Variants in PI4K2A observed in about 807,000 individuals in gnomAD.
PI4K2A encodes phosphatidylinositol 4-kinase type 2-alpha.
Under a neutral mutation model 55.0 loss-of-function variants are expected in PI4K2A, and 20 were observed. That is an observed-to-expected ratio of 0.36 (90% confidence interval 0.26 to 0.53). PI4K2A has a LOEUF of 0.53. Ranked by LOEUF, PI4K2A falls within the 20% of genes least tolerant of loss-of-function variation. The pLI is 0.91. For synonymous variants in PI4K2A, 235 were observed against 258.5 expected, an observed-to-expected ratio of 0.91 and a Z score of 0.87; for missense variants, 463 against 637.1, an observed-to-expected ratio of 0.73 and a Z score of 2.94.
exon 1 of PI4K2A, chr10:97,640,855 T>TGGC: frequency 7.5e-7 from 1 of 1,342,132 alleles, no homozygotes; most frequent in Non-Finnish European, 9.6e-7. Context: ...GCGGTCCGAG[T>TGGC]GGCGGCGGCG....
chr10:97,645,589 G>A (rs1396021841), intron 1 of PI4K2A, among the ~76,000 whole-genome samples: 1 of 130,500 alleles, frequency 7.7e-6, no homozygotes, highest in Non-Finnish European at 1.6e-5. Context: ...GCCTGGGCGA[G>A]ACAGCAAGAC....
chr10:97,640,886 G>T (rs2041463767), exon 1 of PI4K2A: 2 of 1,296,792 alleles, frequency 1.5e-6, no homozygotes. Flanking sequence ...GCCCCTCTCC[G>T]CCGGGCTCGC....
intron 8 of PI4K2A, among the ~76,000 whole-genome samples, chr10:97,667,829 C>T (rs1339776692): frequency 7.9e-5 from 12 of 152,194 alleles, no homozygotes; most frequent in Admixed American, 7.9e-4. Context: ...GTTCATAAAA[C>T]AGGATAGTAA....
intron 1 of PI4K2A, among the ~76,000 whole-genome samples, chr10:97,643,118 C>T (rs1046277888): frequency 6.6e-6 from 1 of 151,586 alleles, no homozygotes; most frequent in Admixed American, 6.6e-5. Context: ...TTCCGAGTAG[C>T]TGGGACTACA....
In PI4K2A at chr10:97,661,923, G is replaced by A. The variant is rs145881922; in HGVS notation, c.923-984G>A. 1.9e-3 allele frequency among the ~76,000 whole-genome samples: 288 copies of A among 149,236 alleles called. 1 individual carries two copies. The highest frequency in any genetic ancestry group is 6.9e-3 in the African/African-American group (279 of 40,388). On this transcript the variant is annotated intron_variant, in intron 4 of 8. Transcript: ENST00000370631. ...GCTAGAGTACAGTGGTATGATCATAGCTCATTGCAGCAGCCTCCAACACTT... is the reference window on the plus strand; with the variant it reads ...GCTAGAGTACAGTGGTATGATCATAACTCATTGCAGCAGCCTCCAACACTT...
rs778448613 is a variant in PI4K2A, at chr10:97,656,426, C to T, written c.768+10C>T. 6.2e-7 allele frequency: 1 copy of T among 1,613,022 alleles called. No individual in the cohort carries two copies. The highest frequency in any genetic ancestry group is 8.5e-7 in the Non-Finnish European group (1 of 1,179,306). On this transcript the variant is annotated intron_variant, in intron 3 of 8. Transcript: ENST00000370631. This position sits in a 1 kb window ranked among gnomAD's most constrained non-coding sequence, Gnocchi z 4.5. ...CGGGCTACCACCAAAGGTATAGACG[C>T]ACCTCTGGCTTATCAAGGGTCATGA...
At chr10:97,669,494 A>G (rs1021246871) in intron 8 of PI4K2A, among the ~76,000 whole-genome samples, 3 of 152,074 alleles carry the variant, frequency 2.0e-5, no homozygotes, top group African/African-American at 7.2e-5. Context: ...AGTTTTATTT[A>G]TCTCCATCTT....
chr10:97,671,907 G>C (rs1257732163), intron 8 of PI4K2A, among the ~76,000 whole-genome samples: 1 of 152,136 alleles, frequency 6.6e-6, no homozygotes, highest in Non-Finnish European at 1.5e-5. Context: ...GCCCACTTCG[G>C]CCTCCCAAAG....
intron 8 of PI4K2A, 122 bp from the exon 9 acceptor site, chr10:97,673,459 A>G (rs1389855891): frequency 4.2e-6 from 3 of 714,014 alleles, no homozygotes; most frequent in Non-Finnish European, 6.8e-6. Context: ...GCCTATTTGC[A>G]TGATTTTCCA....
At chr10:97,640,955 G>A in exon 1 of PI4K2A, 1 of 1,481,752 alleles carries the variant, frequency 6.7e-7, no homozygotes. Context: ...CGGCGGCCCA[G>A]GGCCAGACCC....
chr10:97,648,781 A>C (rs750518339), intron 1 of PI4K2A, among the ~76,000 whole-genome samples: 9 of 152,300 alleles, frequency 5.9e-5, no homozygotes, highest in Non-Finnish European at 1.3e-4. Context: ...TTTGTTATTC[A>C]GAGGCTGGGG....
chr10:97,667,223 T>C, intron 8 of PI4K2A, 103 bp downstream of exon 8: 1 of 815,102 alleles, frequency 1.2e-6, no homozygotes, highest in South Asian at 1.5e-5. Context: ...CCCCCCTTTT[T>C]TTTTGAGACC....
At chr10:97,647,801 T>C (rs2041512496) in intron 1 of PI4K2A, among the ~76,000 whole-genome samples, 1 of 152,148 alleles carries the variant, frequency 6.6e-6, no homozygotes, top group Non-Finnish European at 1.5e-5. Context: ...ACTCATGCTT[T>C]TGGAGTCATT....
chr10:97,671,823 G>T (rs1424730010), intron 8 of PI4K2A, among the ~76,000 whole-genome samples: 1 of 151,486 alleles, frequency 6.6e-6, no homozygotes, highest in African/African-American at 2.4e-5. Flanking sequence ...TATTTTTGTA[G>T]AGATGGGGTT....
rs1056870998 is a variant in PI4K2A, at chr10:97,641,109, C to G, written c.367C>G (p.Arg123Gly). 3.1e-6 allele frequency: 5 copies of G among 1,609,430 alleles called. 1 individual carries two copies. Among genetic ancestry groups the G allele is most frequent in the South Asian group, 2.2e-5 (2 of 90,876 alleles). ...GCGGCAGGCCGAGCTGGCCATCGAG[C>G]GCTGCATCTTTCCCGAGCGCATCTA... Residue 123 changes from arginine (R) to glycine (G), a missense_variant, in exon 1 of 9, where the codon CGC becomes GGC. Physicochemically the swap from Arg to Gly is moderately radical, Grantham distance 125 (BLOSUM62 -2). Coordinates refer to ENST00000370631, the Ensembl canonical transcript of PI4K2A.
chr10:97,673,448 G>T, intron 8 of PI4K2A, 133 bp from the exon 9 acceptor site: 3 of 613,366 alleles, frequency 4.9e-6, no homozygotes, highest in Non-Finnish European at 5.6e-6. Context: ...TTTTGTAAAT[G>T]GCCTATTTGC....
At position 97,656,866 on chromosome 10, in the gene PI4K2A, T is replaced by TTCAAA; in HGVS notation, c.814_815insTCAAA (p.Tyr272PhefsTer46). On this transcript the variant is annotated frameshift_variant, in exon 4 of 9. Coordinates refer to ENST00000370631, the Ensembl canonical transcript of PI4K2A. LOFTEE classifies it high-confidence loss of function. The surrounding 1 kb of genome is among the most constrained non-coding windows in gnomAD (Gnocchi z 4.5). ...TGTTGAAGGCTACAAAGATGCAGAC[T>TTCAAA]ATTGGCTGCGGCGTTTTGAAGCAGA... 1 of 1,614,064 alleles carries TTCAAA rather than the reference T, an allele frequency of 6.2e-7. No homozygotes were observed. The highest frequency in any genetic ancestry group is 8.5e-7 in the Non-Finnish European group (1 of 1,179,906).
intron 2 of PI4K2A, among the ~76,000 whole-genome samples, chr10:97,653,014 G>A (rs972926626): frequency 6.6e-6 from 1 of 152,084 alleles, no homozygotes; most frequent in Non-Finnish European, 1.5e-5. Flanking sequence ...TTCTCTTTAT[G>A]CCTTACTTTT....
intron 8 of PI4K2A, among the ~76,000 whole-genome samples, chr10:97,670,470 TATTTA>T (rs1465856311): frequency 3.3e-5 from 5 of 152,332 alleles, no homozygotes; most frequent in African/African-American, 1.2e-4. Context: ...GAATAATATC[TATTTA>T]ATTTCTCTCC....
Sources: allele counts gnomAD v4.1 joint callset (sites outside exome capture counted in the v4.1 genomes callset), GRCh38; gene constraint gnomAD v4.1.1; non-coding constraint Gnocchi (gnomAD v3.1); transcripts MANE v1.5; gene names NCBI Gene and HGNC (gene_info 2026-07-23, HGNC 2026-07-21).